MAP2: variants seen among roughly 807,000 people sequenced by gnomAD.
The protein encoded by MAP2 is microtubule-associated protein 2.
Under a neutral mutation model 137.6 loss-of-function variants are expected in MAP2, and 14 were observed. The ratio of observed to expected loss-of-function variants is 0.10; its 90% confidence interval spans 0.07 to 0.16. The LOEUF is 0.16. Ranked by LOEUF, MAP2 falls within the 10% of genes least tolerant of loss-of-function variation. The pLI, the probability that MAP2 is intolerant of heterozygous loss-of-function variation, is 1.00. For missense variants in MAP2, 2,088 were observed against 2,191.5 expected (o/e 0.95, Z 0.94); for synonymous variants, 786 against 782.3 (o/e 1.00, Z -0.08).
chr2:209,651,489 A>G (rs1236855814), intron 4 of MAP2, among the ~76,000 whole-genome samples: 1 of 152,196 alleles, frequency 6.6e-6, no homozygotes, highest in Non-Finnish European at 1.5e-5. Context: ...GCATGCCAGG[A>G]ACTGTGTTGA....
intron 2 of MAP2, among the ~76,000 whole-genome samples, chr2:209,518,307 A>G (rs752962294): frequency 7.2e-5 from 11 of 152,144 alleles, no homozygotes; most frequent in South Asian, 2.1e-4. Context: ...CTAAGCACAG[A>G]TATAACTTTG....
chr2:209,479,487 C>T (rs1214247899), intron 1 of MAP2, among the ~76,000 whole-genome samples: 2 of 152,042 alleles, frequency 1.3e-5, no homozygotes, highest in African/African-American at 4.8e-5. Context: ...TAGGGCTAGG[C>T]AGTAAGTAAA....
intron 1 of MAP2, among the ~76,000 whole-genome samples, chr2:209,491,401 GCAAA>G (rs1439031586): frequency 2.0e-5 from 3 of 152,088 alleles, no homozygotes. Context: ...AGAAGCAAGA[GCAAA>G]CAAATTCAAA....
intron 2 of MAP2, among the ~76,000 whole-genome samples, chr2:209,548,048 C>T (rs1040802972): frequency 6.6e-6 from 1 of 152,114 alleles, no homozygotes; most frequent in South Asian, 2.1e-4. Context: ...CGATAAAGCA[C>T]CAGAAATAAA....
intron 2 of MAP2, among the ~76,000 whole-genome samples, chr2:209,556,895 A>G (rs895832670): frequency 5.9e-5 from 9 of 152,072 alleles, no homozygotes; most frequent in African/African-American, 2.2e-4. Flanking sequence ...ACAAAATAAG[A>G]ATATTCAAGT....
At chr2:209,575,890 G>A (rs1032740112) in intron 2 of MAP2, among the ~76,000 whole-genome samples, 2 of 152,166 alleles carry the variant, frequency 1.3e-5, no homozygotes, top group African/African-American at 2.4e-5. Context: ...GGAATGAAAA[G>A]CCATGGAAAG....
At chr2:209,718,304 G>T (rs1489226362) in intron 13 of MAP2, among the ~76,000 whole-genome samples, 1 of 152,102 alleles carries the variant, frequency 6.6e-6, no homozygotes, top group Non-Finnish European at 1.5e-5. Flanking sequence ...GTTATTTTCA[G>T]ATAACTGAGC....
At chr2:209,468,470 AC>A (rs1425148435) in intron 1 of MAP2, among the ~76,000 whole-genome samples, 3 of 150,832 alleles carry the variant, frequency 2.0e-5, no homozygotes, top group Non-Finnish European at 3.0e-5. Context: ...ACAGGCGCCC[AC>A]CACCACGCCC....
At chr2:209,578,114 T>C (rs893468769) in intron 2 of MAP2, among the ~76,000 whole-genome samples, 1 of 152,176 alleles carries the variant, frequency 6.6e-6, no homozygotes, top group African/African-American at 2.4e-5. Context: ...AGGCAGAGGA[T>C]TGAATCAGGA....
intron 11 of MAP2, among the ~76,000 whole-genome samples, chr2:209,702,737 T>G (rs923150283): frequency 1.3e-5 from 2 of 151,966 alleles, no homozygotes; most frequent in African/African-American, 2.4e-5. Context: ...GTGGGTAGGA[T>G]CAATAAAAAA....
At chr2:209,573,434 C>T (rs569379694) in intron 2 of MAP2, among the ~76,000 whole-genome samples, 61 of 151,510 alleles carry the variant, frequency 4.0e-4, no homozygotes, top group Admixed American at 7.9e-4. Flanking sequence ...GCTGGGATTA[C>T]AGGTGTGAGC....
intron 1 of MAP2, among the ~76,000 whole-genome samples, chr2:209,481,866 T>C (rs1331798388): frequency 6.6e-6 from 1 of 152,204 alleles, no homozygotes; most frequent in Non-Finnish European, 1.5e-5. Flanking sequence ...CCACGTAGCA[T>C]ACATGAAAGG....
At chr2:209,544,375 T>C (rs1381669015) in intron 2 of MAP2, among the ~76,000 whole-genome samples, 1 of 152,222 alleles carries the variant, frequency 6.6e-6, no homozygotes, top group Non-Finnish European at 1.5e-5. Context: ...AGAAATCTTT[T>C]TGCAGTGGGG....
intron 3 of MAP2, among the ~76,000 whole-genome samples, chr2:209,584,317 CA>C (rs2077192553): frequency 6.6e-6 from 1 of 151,946 alleles, no homozygotes; most frequent in South Asian, 2.1e-4. Context: ...CCAGAAAGAA[CA>C]AACATTAGCA....
intron 13 of MAP2, among the ~76,000 whole-genome samples, chr2:209,720,240 T>A (rs2069739414): frequency 6.6e-6 from 1 of 152,178 alleles, no homozygotes; most frequent in South Asian, 2.1e-4. Context: ...ATGATCTGGT[T>A]GATTAATATA....
intron 3 of MAP2, among the ~76,000 whole-genome samples, chr2:209,624,847 A>T (rs1303507195): frequency 6.6e-6 from 1 of 152,162 alleles, no homozygotes; most frequent in African/African-American, 2.4e-5. Flanking sequence ...TAGCATTTTC[A>T]CTTTTCTATT....
rs1377231874 is a variant in MAP2 at position 209,660,734 on chromosome 2, T to A, written c.262+7302T>A. Among the ~76,000 whole-genome samples the A allele has an allele frequency of 3.8e-5, 5 of 131,396 alleles. No homozygotes were observed. In the South Asian group the frequency reaches 9.8e-4, roughly 26 times the overall value. 86.2% of individuals were successfully genotyped at this position (131,396 alleles called of 152,430 possible). A position where few individuals can be genotyped will look rare whatever the true frequency, so the allele number is the denominator to read the frequency against. ...TTATTATTATTATTATTATTATTAT[T>A]ATTATTATTATTATTTTGAGACCGA... On this transcript the variant is annotated intron_variant, in intron 5 of 15. Coordinates refer to ENST00000682079, the MANE Select transcript of MAP2 (RefSeq NM_001375505.1).
intron 1 of MAP2, among the ~76,000 whole-genome samples, chr2:209,436,104 A>G (rs1379832710): frequency 6.7e-6 from 1 of 148,470 alleles, no homozygotes; most frequent in African/African-American, 2.5e-5. Flanking sequence ...TCTAATTTCT[A>G]GGTCTTAATG....
chr2:209,675,372 ACT>A (rs1198539060), intron 5 of MAP2, among the ~76,000 whole-genome samples: 3 of 151,786 alleles, frequency 2.0e-5, no homozygotes, highest in Non-Finnish European at 4.4e-5. Flanking sequence ...TAAAATTCAA[ACT>A]CTCTGCTGCT....
Sources: allele counts gnomAD v4.1 joint callset (sites outside exome capture counted in the v4.1 genomes callset), GRCh38; gene constraint gnomAD v4.1.1; transcripts MANE v1.5; gene names NCBI Gene and HGNC (gene_info 2026-07-23, HGNC 2026-07-21).